Variants in TUB observed in about 807,000 individuals in gnomAD.
TUB encodes the protein TUB bipartite transcription factor.
TUB carries 33 observed loss-of-function variants against 59.7 expected under a neutral mutation model. The observed-to-expected ratio is 0.55, with a 90% CI of 0.42 to 0.74. TUB has a LOEUF of 0.74. TUB is among the 30% of genes least tolerant of loss of function. The pLI is 0.00. For synonymous variants in TUB, 293 were observed against 256.4 expected, an observed-to-expected ratio of 1.14 and a Z score of -1.36; for missense variants, 659 against 672.0, an observed-to-expected ratio of 0.98 and a Z score of 0.21.
chr11:8,054,678 T>A (rs1942989369), intron 2 of TUB, among the ~76,000 whole-genome samples: 1 of 152,248 alleles, frequency 6.6e-6, no homozygotes, highest in South Asian at 2.1e-4. Context: ...CATATATGTG[T>A]CAGCATGCAT....
intron 1 of TUB, among the ~76,000 whole-genome samples, chr11:8,081,843 C>T (rs898822011): frequency 3.9e-5 from 6 of 152,218 alleles, no homozygotes; most frequent in Non-Finnish European, 5.9e-5. Flanking sequence ...CTGCTCTGAG[C>T]CCCCTCCTAG....
Position 8,098,895 on chromosome 11 carries a change from G to T in TUB, c.1116+20G>T, listed in dbSNP as rs1944127947. ...TGCTACGTGAGTCCTAGGTTCGGGG[G>T]TCTCTGATTTCCAAGGTAGATATGA... On this transcript the variant is annotated intron_variant, in intron 9 of 11. Coordinates refer to ENST00000299506, the MANE Select transcript of TUB (RefSeq NM_177972.3). 3.2e-6 allele frequency: 5 copies of T among 1,559,910 alleles called. No homozygotes were observed. The highest frequency in any genetic ancestry group is 4.4e-6 in the Non-Finnish European group (5 of 1,131,170).
Position 8,102,264 on chromosome 11 carries a change from A to G in TUB, c.*645A>G, listed in dbSNP as rs112165022. 788 of 152,256 alleles carry G rather than the reference A, an allele frequency of 5.2e-3. No individual in the cohort carries two copies. Among genetic ancestry groups the G allele is most frequent in the Non-Finnish European group, 8.5e-3 (580 of 68,066 alleles). The allele number at this position is 152,256 out of a possible 1,614,324, so 9.4% of individuals were successfully genotyped here. The stretch of plus-strand genomic sequence containing the variant: ...CTGGCTTGCTGTGGCTATGGGAATC[A>G]GCTGGTGGCTAGGTTTCTAGCGCAT... On this transcript the variant is annotated 3_prime_UTR_variant, in exon 12 of 12. Coordinates refer to ENST00000299506, the MANE Select transcript of TUB (RefSeq NM_177972.3).
chr11:8,046,833 G>C lies in TUB; in HGVS notation c.203+7141G>C, dbSNP rs78886868. Among the ~76,000 whole-genome samples the C allele has an allele frequency of 4.3e-3, 657 of 152,248 alleles. 10 individuals carry two copies. Among genetic ancestry groups the C allele is most frequent in the African/African-American group, 0.015 (613 of 41,556 alleles). On this transcript the variant is annotated intron_variant, in intron 2 of 12. Transcript: ENST00000305253. ...TGAAGCAGGGCTGTCCAATTTTTTG[G>C]CTTCCTTGGGCCACATTGGAAGAAG...
At chr11:8,066,425 A>G (rs56775092) in intron 2 of TUB, among the ~76,000 whole-genome samples, 11,780 of 152,236 alleles carry the variant, frequency 0.077, 642 homozygotes, top group African/African-American at 0.14. Flanking sequence ...CAGCCCCTGT[A>G]CAGCTCCACA....
Position 8,096,633 on chromosome 11 carries a change from G to A in TUB, c.566-52G>A, listed in dbSNP as rs1944005339. The stretch of plus-strand genomic sequence containing the variant: ...AGTATGTGACCATGTGTATTTCAGG[G>A]GCAGCGTAGACTTCTCCTCCTTCAT... On this transcript the variant is annotated intron_variant, in intron 5 of 11. Coordinates refer to ENST00000299506, the MANE Select transcript of TUB (RefSeq NM_177972.3). 2.5e-6 allele frequency: 3 copies of A among 1,217,732 alleles called. No individual in the cohort carries two copies. In the African/African-American group the frequency reaches 4.5e-5, roughly 18 times the overall value. The allele number at this position is 1,217,732 out of a possible 1,614,324, so 75.4% of individuals were successfully genotyped here.
upstream of TUB, chr11:8,035,827 T>A (rs1029413346): frequency 2.6e-5 from 4 of 152,282 alleles, no homozygotes; most frequent in Non-Finnish European, 5.9e-5. Context: ...GTACCCACAT[T>A]CCTCTAGGGG....
At chr11:8,038,430 G>A (rs1287579857), upstream of TUB, among the ~76,000 whole-genome samples, 1 of 152,168 alleles carries the variant, frequency 6.6e-6, no homozygotes, top group African/African-American at 2.4e-5. Context: ...CCAGCACACA[G>A]CCTGAGCCCT....
chr11:8,096,705 T>C lies in TUB; in HGVS notation c.586T>C (p.Phe196Leu). 3.1e-6 allele frequency: 5 copies of C among 1,612,544 alleles called. No individual in the cohort carries two copies. Among genetic ancestry groups the C allele is most frequent in the Non-Finnish European group, 4.2e-6 (5 of 1,178,596 alleles). ...QRKGISSSMS[F>L]DEDEEDEEEN... The stretch of plus-strand genomic sequence containing the variant: ...CCCAGGCATCTCCAGCAGCATGAGC[T>C]TTGACGAGGATGAGGAGGATGAGGA... The change falls in exon 6 of 12, where the codon TTT becomes CTT. Residue 196 changes from phenylalanine (F) to leucine (L), a missense_variant. This residue lies in a region of TUB where 321 missense variants were observed against 304.3 expected (regional missense o/e 1.05). Transcript: ENST00000299506.
chr11:8,101,790 A>G lies in TUB; in HGVS notation c.*171A>G. On this transcript the variant is annotated 3_prime_UTR_variant, in exon 12 of 12. Transcript: ENST00000299506. ...AGGAACTGGCTCCTTTGCCTCTGCT[A>G]CTGAGGCAGGGGAGTAGTGGAGAGC... is the stretch of plus-strand genomic sequence containing the variant. 3.4e-6 allele frequency: 4 copies of G among 1,182,950 alleles called. No individual in the cohort carries two copies. The highest frequency in any genetic ancestry group is 4.6e-6 in the Non-Finnish European group (4 of 871,878). The allele number at this position is 1,182,950 out of a possible 1,614,324, so 73.3% of individuals were successfully genotyped here.
chr11:8,100,730 G>T (rs1944250414), intron 10 of TUB, 96 bp from the exon 11 acceptor site: 1 of 1,570,132 alleles, frequency 6.4e-7, no homozygotes. Context: ...GAGGTCTAGG[G>T]AAATCCAAGG....
chr11:8,078,585 C>A (rs563276172), upstream of TUB, among the ~76,000 whole-genome samples: 1 of 152,112 alleles, frequency 6.6e-6, no homozygotes, highest in East Asian at 1.9e-4. Context: ...ATCATGCATT[C>A]TGAGTAGAAT....
intron 2 of TUB, 48 bp downstream of exon 2, chr11:8,089,709 C>A: frequency 1.2e-6 from 2 of 1,609,596 alleles, no homozygotes; most frequent in Non-Finnish European, 1.7e-6. Flanking sequence ...GGGCTGGGAT[C>A]TCTGAGGGCA....
intron 2 of TUB, among the ~76,000 whole-genome samples, chr11:8,045,205 C>A (rs947405475): frequency 6.6e-6 from 1 of 152,070 alleles, no homozygotes; most frequent in African/African-American, 2.4e-5. Flanking sequence ...CCAAGAGTCA[C>A]CTCATTAGAA....
rs754171040 is a variant in TUB at position 8,098,748 on chromosome 11, T to C, written c.999-10T>C. 4.4e-6 allele frequency: 7 copies of C among 1,607,828 alleles called. No homozygotes were observed. Among genetic ancestry groups the C allele is most frequent in the Non-Finnish European group, 6.0e-6 (7 of 1,174,506 alleles). Reference sequence around the variant, plus strand: ...TGCATGACTCTATACTGATTGTGCCTTTATTTCAGGTCCAACTTGATGGGC... The same window carrying C: ...TGCATGACTCTATACTGATTGTGCCCTTATTTCAGGTCCAACTTGATGGGC... On this transcript the variant is annotated splice_polypyrimidine_tract_variant and intron_variant, in intron 8 of 11. Coordinates refer to ENST00000299506, the MANE Select transcript of TUB (RefSeq NM_177972.3).
intron 2 of TUB, among the ~76,000 whole-genome samples, chr11:8,049,291 AC>A (rs1410811034): frequency 2.0e-5 from 3 of 152,120 alleles, no homozygotes; most frequent in Non-Finnish European, 4.4e-5. Context: ...CACAGCTCAG[AC>A]CCCATGGTGT....
intron 1 of TUB, among the ~76,000 whole-genome samples, chr11:8,031,768 C>A (rs936905811): frequency 6.6e-6 from 1 of 152,242 alleles, no homozygotes; most frequent in African/African-American, 2.4e-5. Flanking sequence ...GGTAGGGAGG[C>A]TGGCGCAGGC....
At chr11:8,094,664 A>G (rs1233571388) in intron 4 of TUB, among the ~76,000 whole-genome samples, 2 of 152,224 alleles carry the variant, frequency 1.3e-5, no homozygotes, top group Admixed American at 1.3e-4. Context: ...TCTGGACCAC[A>G]GACCAGCCTG....
At chr11:8,097,650 G>A (rs1944058511) in intron 7 of TUB, 64 bp from the exon 8 acceptor site, 2 of 1,425,762 alleles carry the variant, frequency 1.4e-6, no homozygotes, top group African/African-American at 1.4e-5. Flanking sequence ...TGTGTGAGTG[G>A]CTCTCATGAC....
Sources: gnomAD v4.1 joint callset for allele counts (sites outside exome capture counted in the v4.1 genomes callset) on GRCh38, gnomAD v4.1.1 for gene constraint, gnomAD v4.1.1 regional missense constraint, MANE v1.5 for transcripts, NCBI Gene and HGNC (gene_info 2026-07-23, HGNC 2026-07-21) for gene names.